Variants in MACF1 observed in about 807,000 individuals in gnomAD.
MACF1 encodes microtubule actin crosslinking factor 1.
In MACF1, 193 loss-of-function variants were observed where a neutral mutation model predicts 854.8. The observed-to-expected ratio is 0.23, with a 90% CI of 0.20 to 0.25. MACF1 has a LOEUF of 0.25. Among genes scored for constraint, MACF1 ranks in the 10% least tolerant of loss-of-function variants. The probability of loss-of-function intolerance (pLI) is 1.00; values close to 1 mark genes in which losing one functional copy is unlikely to be tolerated. For missense variants in MACF1, 7,722 were observed against 8,929.1 expected (o/e 0.86, Z 5.45); for synonymous variants, 3,185 against 3,226.7 (o/e 0.99, Z 0.44).
chr1:39,289,504 C>T (rs1645723488), intron 15 of MACF1, among the ~76,000 whole-genome samples: 6 of 151,996 alleles, frequency 3.9e-5, no homozygotes, highest in Admixed American at 3.9e-4. Flanking sequence ...CGTTGAGCAC[C>T]TTTTCACGTG....
rs757706071 is a variant in MACF1 at position 39,460,654 on chromosome 1, A to T, written c.21383A>T (p.Asp7128Val). Reference sequence around the variant, plus strand: ...TAGTTGAAAGAATTTGCCAACTTTGACTTTGATGTCTGGAGGAAAAAGTAT... The same window carrying T: ...TAGTTGAAAGAATTTGCCAACTTTGTCTTTGATGTCTGGAGGAAAAAGTAT... The part of the protein sequence containing the change: ...LEELKEFANF[D>V]FDVWRKKYMR... The change falls in exon 92 of 101, where the codon GAC becomes GTC. Residue 7128 changes from aspartate (D) to valine (V), a missense_variant. This residue lies in a region of MACF1 where 729 missense variants were observed against 900.5 expected (regional missense o/e 0.81). Transcript: ENST00000564288. The surrounding 1 kb of genome is among the most constrained non-coding windows in gnomAD (Gnocchi z 4.1). 2 of 1,614,158 alleles carry T rather than the reference A, an allele frequency of 1.2e-6. No homozygotes were observed. The highest frequency in any genetic ancestry group is 2.2e-5 in the South Asian group (2 of 91,082).
chr1:39,205,522 T>C (rs1417132092), intron 1 of MACF1, among the ~76,000 whole-genome samples: 1 of 152,204 alleles, frequency 6.6e-6, no homozygotes, highest in Non-Finnish European at 1.5e-5. Context: ...GTAACTCTTT[T>C]ACCCTCCTCC....
intron 4 of MACF1, among the ~76,000 whole-genome samples, chr1:39,253,502 T>C (rs1487595670): frequency 2.1e-5 from 3 of 146,006 alleles, no homozygotes; most frequent in Non-Finnish European, 4.5e-5. Flanking sequence ...AAAAATCAGC[T>C]ATCTGTATTT....
Position 39,089,691 on chromosome 1 carries a change from C to T in MACF1, c.220+5253C>T, listed in dbSNP as rs1641758959. Among the ~76,000 whole-genome samples the T allele has an allele frequency of 2.7e-5, 4 of 149,100 alleles. No individual in the cohort carries two copies. In the South Asian group the frequency reaches 6.4e-4, roughly 24 times the overall value. On this transcript the variant is annotated intron_variant, in intron 2 of 93. Transcript: ENST00000361689. ...GAGCTCTGAGAAGACATCTCACAGG[C>T]ACCTCTCTGCTTCATTCATTCATTC...
chr1:39,402,472 G>T (rs1304777770), intron 58 of MACF1, among the ~76,000 whole-genome samples: 1 of 152,110 alleles, frequency 6.6e-6, no homozygotes, highest in Admixed American at 6.5e-5. Flanking sequence ...TAAATATTTG[G>T]TGAATGGATG....
chr1:39,108,671 C>G (rs1284088715), intron 2 of MACF1, among the ~76,000 whole-genome samples: 2 of 152,052 alleles, frequency 1.3e-5, no homozygotes, highest in Admixed American at 6.6e-5. Context: ...TTATTCCTCT[C>G]CTAGGATAGA....
At chr1:39,170,389 T>C (rs1643932341) in intron 2 of MACF1, among the ~76,000 whole-genome samples, 1 of 152,212 alleles carries the variant, frequency 6.6e-6, no homozygotes, top group Non-Finnish European at 1.5e-5. Flanking sequence ...CAATCACTCT[T>C]TCATTCGACA....
At chr1:39,392,519 CTT>C (rs1249740434) in intron 58 of MACF1, among the ~76,000 whole-genome samples, 1 of 152,190 alleles carries the variant, frequency 6.6e-6, no homozygotes, top group African/African-American at 2.4e-5. Context: ...GTTTTCAGCT[CTT>C]TTTTTAATGG....
intron 42 of MACF1, among the ~76,000 whole-genome samples, 174 bp downstream of exon 42, chr1:39,349,801 T>A (rs1015630740): frequency 6.6e-6 from 1 of 152,252 alleles, no homozygotes; most frequent in African/African-American, 2.4e-5. Flanking sequence ...CCTAATTTTT[T>A]AATTTTTTTG....
intron 1 of MACF1, among the ~76,000 whole-genome samples, chr1:39,213,662 A>C (rs1486108208): frequency 6.6e-6 from 1 of 152,174 alleles, no homozygotes; most frequent in Non-Finnish European, 1.5e-5. Context: ...AAATCTGATA[A>C]AGGAAGAGGT....
At chr1:39,209,487 C>T (rs538811880) in intron 1 of MACF1, among the ~76,000 whole-genome samples, 115 of 152,150 alleles carry the variant, frequency 7.6e-4, no homozygotes, top group Non-Finnish European at 1.4e-3. Context: ...TCTTGTTTTC[C>T]TTACCTGTAA....
intron 58 of MACF1, among the ~76,000 whole-genome samples, chr1:39,398,528 C>T (rs2148588655): frequency 6.6e-6 from 1 of 152,112 alleles, no homozygotes; most frequent in African/African-American, 2.4e-5. Flanking sequence ...AGGATGACGG[C>T]CCCTTACAAT....
chr1:39,410,294 G>GT, intron 58 of MACF1: 2 of 1,609,712 alleles, frequency 1.2e-6, no homozygotes, highest in Non-Finnish European at 1.7e-6. Flanking sequence ...AGACCAGACT[G>GT]TTTAAGGCGG....
chr1:39,410,459 T>A (rs559050846), intron 58 of MACF1: 1 of 1,613,894 alleles, frequency 6.2e-7, no homozygotes, highest in African/African-American at 1.3e-5. Context: ...ATGGAAAAGA[T>A]GGAAGGAAGT....
At chr1:39,448,513 C>A in intron 83 of MACF1, 81 bp from the exon 84 acceptor site, 1 of 1,228,578 alleles carries the variant, frequency 8.1e-7, no homozygotes. Context: ...GGTTTCTAGC[C>A]TGAAAACTCA....
intron 58 of MACF1, among the ~76,000 whole-genome samples, chr1:39,396,064 G>A (rs1642258772): frequency 6.6e-6 from 1 of 152,218 alleles, no homozygotes; most frequent in South Asian, 2.1e-4. Flanking sequence ...AAACAGGCTA[G>A]GCGCAGTGGC....
intron 6 of MACF1, among the ~76,000 whole-genome samples, chr1:39,277,895 T>C (rs556160534): frequency 1.3e-5 from 2 of 152,274 alleles, no homozygotes; most frequent in East Asian, 3.9e-4. Context: ...TATAAGTAAG[T>C]GGTGTGTCTT....
At chr1:39,124,590 TTTTCTC>T (rs1396324703) in intron 2 of MACF1, among the ~76,000 whole-genome samples, 8 of 152,184 alleles carry the variant, frequency 5.3e-5, no homozygotes, top group African/African-American at 1.7e-4. Context: ...CTCTTCCTCT[TTTTCTC>T]TTTATCTCTC....
At chr1:39,344,420 C>T (rs1245060541) in intron 40 of MACF1, among the ~76,000 whole-genome samples, 3 of 145,964 alleles carry the variant, frequency 2.1e-5, no homozygotes, top group Admixed American at 6.9e-5. Flanking sequence ...TGACAGAGCG[C>T]GACTCTGTCT....
Sources: allele counts gnomAD v4.1 joint callset (sites outside exome capture counted in the v4.1 genomes callset), GRCh38; gene constraint gnomAD v4.1.1; regional missense constraint gnomAD v4.1.1; non-coding constraint Gnocchi (gnomAD v3.1); transcripts MANE v1.5; gene names NCBI Gene and HGNC (gene_info 2026-07-23, HGNC 2026-07-21).